The following CAST variants were observed in gnomAD, a reference collection of about 807,000 sequenced individuals.
CAST encodes the protein calpastatin.
CAST carries 76 observed loss-of-function variants against 119.6 expected under a neutral mutation model. That is an observed-to-expected ratio of 0.64 (90% CI 0.53 to 0.77). The LOEUF is 0.77. Ranked by LOEUF, CAST falls within the 30% of genes least tolerant of loss-of-function variation. The pLI is 0.00. For missense variants in CAST, 953 were observed against 946.5 expected (o/e 1.01, Z -0.09); for synonymous variants, 319 against 331.6 (o/e 0.96, Z 0.41).
At chr5:96,232,904 CAA>C in the CAST span, among the ~76,000 whole-genome samples, 1 of 151,948 alleles carries the variant, frequency 6.6e-6, no homozygotes, top group Non-Finnish European at 1.5e-5. Flanking sequence ...TAAAAATGCA[CAA>C]AGTGTATAGC....
intron 1 of CAST, among the ~76,000 whole-genome samples, chr5:96,652,088 C>A (rs1281511683): frequency 6.6e-6 from 1 of 152,168 alleles, no homozygotes; most frequent in African/African-American, 2.4e-5. Context: ...GATTCAAATC[C>A]ATATGCAATT....
At chr5:96,415,866 A>G in the CAST span, among the ~76,000 whole-genome samples, 1 of 152,066 alleles carries the variant, frequency 6.6e-6, no homozygotes, top group Admixed American at 6.5e-5. Flanking sequence ...AGGAATCCAT[A>G]TCTATTGACT....
chr5:96,109,392 C>T, the CAST span, among the ~76,000 whole-genome samples: 1 of 152,056 alleles, frequency 6.6e-6, no homozygotes, highest in East Asian at 1.9e-4. Flanking sequence ...TTACATTTTC[C>T]AAAACCAAAT....
intron 1 of CAST, among the ~76,000 whole-genome samples, chr5:96,662,731 G>T (rs550013479): frequency 1.3e-5 from 2 of 152,188 alleles, no homozygotes; most frequent in Non-Finnish European, 1.5e-5. Context: ...TAGAGTGGAG[G>T]GGGGGACGCG....
At chr5:96,358,441 CT>C in the CAST span, among the ~76,000 whole-genome samples, 1 of 152,100 alleles carries the variant, frequency 6.6e-6, no homozygotes, top group Non-Finnish European at 1.5e-5. Flanking sequence ...GATTTTAGAT[CT>C]TTCTTGCTTT....
At chr5:96,510,357 C>T in the CAST span, among the ~76,000 whole-genome samples, 1 of 152,276 alleles carries the variant, frequency 6.6e-6, no homozygotes, top group Admixed American at 6.5e-5. Context: ...ATACAATTCA[C>T]CCAGGAAAAT....
chr5:96,364,250 G>A, the CAST span, among the ~76,000 whole-genome samples: 45 of 152,238 alleles, frequency 3.0e-4, no homozygotes, highest in Non-Finnish European at 5.3e-4. Context: ...TTTTATTGAG[G>A]ATTTTTGCAT....
chr5:96,405,126 C>T, the CAST span, among the ~76,000 whole-genome samples: 1 of 152,086 alleles, frequency 6.6e-6, no homozygotes, highest in Non-Finnish European at 1.5e-5. Flanking sequence ...CAATTGAGAA[C>T]AGAAATCTTA....
chr5:96,733,605 G>C (rs1350672450), intron 9 of CAST, among the ~76,000 whole-genome samples: 1 of 152,104 alleles, frequency 6.6e-6, no homozygotes, highest in African/African-American at 2.4e-5. Flanking sequence ...TTAATGACTT[G>C]CCTTCTTATT....
At chr5:96,033,101 GA>G in the CAST span, among the ~76,000 whole-genome samples, 11 of 152,038 alleles carry the variant, frequency 7.2e-5, no homozygotes, top group East Asian at 1.9e-3. Flanking sequence ...AAATACTCAG[GA>G]ATAAATTTAA....
At chr5:96,317,394 T>A in the CAST span, among the ~76,000 whole-genome samples, 8 of 147,746 alleles carry the variant, frequency 5.4e-5, no homozygotes, top group African/African-American at 1.8e-4. Flanking sequence ...GGAGAATCGC[T>A]TGAGCCCAGG....
At chr5:96,167,462 T>C in the CAST span, among the ~76,000 whole-genome samples, 1 of 152,128 alleles carries the variant, frequency 6.6e-6, no homozygotes, top group South Asian at 2.1e-4. Context: ...ATGCAGGAGC[T>C]CAAATGGGCT....
In CAST at chr5:96,767,929, C is replaced by G. The variant is rs747618954; in HGVS notation, c.2198C>G (p.Pro733Arg). 26 of 1,613,208 alleles carry G rather than the reference C, an allele frequency of 1.6e-5. No individual in the cohort carries two copies. Among genetic ancestry groups the G allele is most frequent in the Admixed American group, 6.7e-5 (4 of 59,966 alleles). ...CAGAAACCTGCAGATGACCAAGACC[C>G]CATTGATGCTCTCTCAGGAGATCTG... ...DSKKPADDQD[P>R]IDALSGDLDS... The change falls in exon 29 of 32, where the codon CCC becomes CGC. Residue 733 changes from proline to arginine, a missense_variant. Physicochemically the swap from Pro to Arg is moderately radical, Grantham distance 103. Coordinates refer to ENST00000675179, the MANE Select transcript of CAST (RefSeq NM_001750.7).
the CAST span, among the ~76,000 whole-genome samples, chr5:96,071,027 C>T: frequency 6.6e-6 from 1 of 152,070 alleles, no homozygotes; most frequent in African/African-American, 2.4e-5. Context: ...AGAGTGAGGA[C>T]TAAAGGGCAC....
chr5:96,743,805 T>C (rs2150533195), intron 16 of CAST: 1 of 1,106,740 alleles, frequency 9.0e-7, no homozygotes, highest in African/African-American at 1.6e-5. Flanking sequence ...ATACATTACT[T>C]AGAGTAGCCG....
the CAST span, among the ~76,000 whole-genome samples, chr5:96,360,652 C>A: frequency 6.6e-6 from 1 of 152,208 alleles, no homozygotes; most frequent in Non-Finnish European, 1.5e-5. Context: ...CTGGGTATCA[C>A]CAGCAGAGGC....
chr5:96,164,088 C>A, the CAST span, among the ~76,000 whole-genome samples: 1 of 152,080 alleles, frequency 6.6e-6, no homozygotes, highest in Non-Finnish European at 1.5e-5. Flanking sequence ...ACTTAATTGT[C>A]ATTGGCTGAA....
the CAST span, among the ~76,000 whole-genome samples, chr5:96,350,144 G>A: frequency 3.9e-5 from 6 of 152,166 alleles, no homozygotes; most frequent in Non-Finnish European, 8.8e-5. Flanking sequence ...CAGGAGGCAA[G>A]TCTGTGCCTT....
intron 1 of CAST, among the ~76,000 whole-genome samples, chr5:96,573,358 TG>T (rs1391517022): frequency 5.3e-5 from 8 of 152,150 alleles, no homozygotes; most frequent in Admixed American, 4.6e-4. Flanking sequence ...AAGCCAGACA[TG>T]GTGGCTCACA....
Sources: gnomAD v4.1 joint callset for allele counts (sites outside exome capture counted in the v4.1 genomes callset) on GRCh38, gnomAD v4.1.1 for gene constraint, MANE v1.5 for transcripts, NCBI Gene and HGNC (gene_info 2026-07-23, HGNC 2026-07-21) for gene names.